TACC2: variants seen among roughly 807,000 people sequenced by gnomAD.
TACC2 encodes the protein transforming acidic coiled-coil-containing protein 2.
Under a neutral mutation model 227.3 loss-of-function variants are expected in TACC2, and 137 were observed. That is an observed-to-expected ratio of 0.60 (90% confidence interval 0.52 to 0.69). The LOEUF (loss-of-function observed/expected upper bound fraction) is 0.69, where lower values mean the gene tolerates loss of function less well. Among genes scored for constraint, TACC2 ranks in the 30% least tolerant of loss-of-function variants. The probability of loss-of-function intolerance (pLI) is 0.00; values close to 1 mark genes in which losing one functional copy is unlikely to be tolerated. For missense variants in TACC2, 3,470 were observed against 3,694.4 expected (o/e 0.94, Z 1.57); for synonymous variants, 1,523 against 1,487.5 (o/e 1.02, Z -0.55).
rs781409521 is a variant in TACC2, at chr10:122,195,183, A to G, written c.5971+7A>G. ...CCACCCCCGGAAGAACCAGGTAACCAAGGGCAGGGAGGCCCCCAGACAGCC... is the reference window on the plus strand; with the variant it reads ...CCACCCCCGGAAGAACCAGGTAACCGAGGGCAGGGAGGCCCCCAGACAGCC... On this transcript the variant is annotated splice_region_variant and intron_variant, in intron 8 of 22. Transcript: ENST00000369005. 6.3e-6 allele frequency: 10 copies of G among 1,580,804 alleles called. No homozygotes were observed. The South Asian group carries it at 1.1e-4, about 18-fold the overall frequency.
intron 6 of TACC2, among the ~76,000 whole-genome samples, chr10:122,135,176 C>A (rs764599341): frequency 2.0e-5 from 3 of 152,140 alleles, no homozygotes; most frequent in African/African-American, 7.2e-5. Context: ...AGCTCTGGCC[C>A]GGCTGCCCAC....
Position 121,989,257 on chromosome 10 carries a change from T to C in TACC2, c.-277T>C, listed in dbSNP as rs1469597387. On this transcript the variant is annotated 5_prime_UTR_variant, in exon 1 of 23. Coordinates refer to ENST00000369005, the MANE Select transcript of TACC2 (RefSeq NM_206862.4). ...ATATAAAACCCCACATTAAGGGTTG[T>C]ACAGTGCACTGGGATTTCTCAAGTC... 6.6e-6 allele frequency: 1 copy of C among 152,278 alleles called. No homozygotes were observed. 9.4% of individuals were successfully genotyped at this position (152,278 alleles called of 1,614,324 possible).
At chr10:122,062,820 G>A (rs762516008) in intron 3 of TACC2, among the ~76,000 whole-genome samples, 9 of 152,180 alleles carry the variant, frequency 5.9e-5, no homozygotes, top group Non-Finnish European at 1.0e-4. Flanking sequence ...TTACTCCTCC[G>A]TTTCACTGTC....
At chr10:122,024,204 C>G (rs1162355106) in intron 2 of TACC2, among the ~76,000 whole-genome samples, 1 of 151,902 alleles carries the variant, frequency 6.6e-6, no homozygotes, top group Non-Finnish European at 1.5e-5. Flanking sequence ...CCCATCTCTA[C>G]CAAGGAAAAA....
chr10:121,996,311 C>T (rs1185492735), intron 1 of TACC2, among the ~76,000 whole-genome samples: 3 of 152,162 alleles, frequency 2.0e-5, no homozygotes, highest in Non-Finnish European at 4.4e-5. Flanking sequence ...CTGCCTCGAC[C>T]TCCCACAGTG....
intron 3 of TACC2, among the ~76,000 whole-genome samples, chr10:122,068,148 C>T (rs2077589061): frequency 6.6e-6 from 1 of 152,108 alleles, no homozygotes; most frequent in African/African-American, 2.4e-5. Context: ...TTAGACATTG[C>T]AGTTTTCATC....
In TACC2 at chr10:121,992,784, G is replaced by A. The variant is rs567983878; in HGVS notation, c.-46+3296G>A. On this transcript the variant is annotated intron_variant, in intron 1 of 22. Coordinates refer to ENST00000369005, the MANE Select transcript of TACC2 (RefSeq NM_206862.4). ...AGCCTGGGCAACACGGCGAAACCCC[G>A]TCTCTACTAAAATACAAAAAATTAG... is the stretch of plus-strand genomic sequence containing the variant. Among the ~76,000 whole-genome samples the A allele has an allele frequency of 1.7e-4, 26 of 151,958 alleles. No individual in the cohort carries two copies. In the East Asian group the frequency reaches 3.7e-3, roughly 22 times the overall value.
intron 8 of TACC2, among the ~76,000 whole-genome samples, chr10:122,204,183 GA>G (rs1184914790): frequency 0.014 from 1,968 of 136,252 alleles, 61 homozygotes; most frequent in African/African-American, 0.056. Flanking sequence ...GGGAGAGGGA[GA>G]GGGGGAGGGG....
intron 11 of TACC2, among the ~76,000 whole-genome samples, chr10:122,219,996 C>T (rs1006454293): frequency 6.6e-6 from 1 of 151,720 alleles, no homozygotes; most frequent in African/African-American, 2.4e-5. Context: ...CAAGATCATG[C>T]CCCTGCACTC....
At chr10:122,046,901 C>T (rs1277684846) in intron 2 of TACC2, among the ~76,000 whole-genome samples, 1 of 152,110 alleles carries the variant, frequency 6.6e-6, no homozygotes, top group Non-Finnish European at 1.5e-5. Flanking sequence ...TTCAAAAATG[C>T]AGGACCCTGA....
Position 122,083,525 on chromosome 10 carries a change from C to T in TACC2, c.1025C>T (p.Pro342Leu), listed in dbSNP as rs770976617. The change falls in exon 4 of 23, where the codon CCG becomes CTG. Residue 342 changes from proline to leucine, a missense_variant. Pro to Leu is a moderately conservative substitution (Grantham distance 98). This residue lies in a region of TACC2 where 33 missense variants were observed against 60.4 expected (regional missense o/e 0.55). Transcript: ENST00000369005. ...SCQQPVGAYLPHAELPWGLPS... is the reference protein window; with the variant it reads ...SCQQPVGAYLLHAELPWGLPS... ...CAGCAGCCAGTGGGAGCATATCTGC[C>T]GCACGCAGAGCTGCCCTGGGGCTTG... The T allele has an allele frequency of 1.2e-4, 191 of 1,613,096 alleles. No individual in the cohort carries two copies. Among genetic ancestry groups the T allele is most frequent in the Non-Finnish European group, 1.4e-4 (170 of 1,180,024 alleles).
intron 8 of TACC2, among the ~76,000 whole-genome samples, chr10:122,204,593 TG>T (rs1242626802): frequency 1.3e-5 from 2 of 152,142 alleles, no homozygotes; most frequent in African/African-American, 4.8e-5. Context: ...CTCAGCACTT[TG>T]GGAGGCTGAG....
At chr10:122,048,292 T>G (rs1216118636) in intron 2 of TACC2, among the ~76,000 whole-genome samples, 2 of 152,074 alleles carry the variant, frequency 1.3e-5, no homozygotes, top group Admixed American at 6.5e-5. Flanking sequence ...TGGGGTGCCC[T>G]CTGTGTGCAC....
chr10:122,035,902 T>C (rs528952686), intron 2 of TACC2, among the ~76,000 whole-genome samples: 1 of 152,230 alleles, frequency 6.6e-6, no homozygotes, highest in South Asian at 2.1e-4. Flanking sequence ...AACCTTGAAT[T>C]CCTGGGCTCA....
intron 15 of TACC2, among the ~76,000 whole-genome samples, chr10:122,229,720 C>T (rs2095698578): frequency 6.6e-6 from 1 of 152,212 alleles, no homozygotes; most frequent in Non-Finnish European, 1.5e-5. Flanking sequence ...AATTTACAAA[C>T]TGGGCCCAAA....
At chr10:122,178,031 A>G (rs1014228731) in intron 7 of TACC2, among the ~76,000 whole-genome samples, 2 of 152,184 alleles carry the variant, frequency 1.3e-5, no homozygotes, top group African/African-American at 4.8e-5. Flanking sequence ...GGCTGCTACA[A>G]CAAAATCCCA....
rs2095690246 is a variant in TACC2, at chr10:122,229,388, A to T, written c.7939A>T (p.Ser2647Cys). ...CTTTGCCTCTGCTGACGCCCTCCTC[A>T]GCAGGCTAGCTCACCCCGTCTCTCT... ...GSFASADALL[S>C]RLAHPVSLCG... The change falls in exon 15 of 23, where the codon AGC becomes TGC. Residue 2647 changes from serine (S) to cysteine (C), a missense_variant. Physicochemically the swap from Ser to Cys is moderately radical, Grantham distance 112. Around this residue, in one of 10 missense-constraint regions of TACC2, gnomAD observed 345 missense variants for 354.4 expected, o/e 0.97. Transcript: ENST00000369005. 1 of 1,613,576 alleles carries T rather than the reference A, an allele frequency of 6.2e-7. No homozygotes were observed. Among genetic ancestry groups the T allele is most frequent in the Non-Finnish European group, 8.5e-7 (1 of 1,179,870 alleles).
intron 2 of TACC2, among the ~76,000 whole-genome samples, chr10:122,038,356 G>A (rs2073838255): frequency 6.6e-6 from 1 of 152,204 alleles, no homozygotes; most frequent in African/African-American, 2.4e-5. Flanking sequence ...GCTTAGCTTA[G>A]GGGGAAAAGT....
intron 7 of TACC2, among the ~76,000 whole-genome samples, chr10:122,190,081 A>T (rs1040142231): frequency 1.6e-4 from 24 of 152,212 alleles, no homozygotes; most frequent in Admixed American, 6.5e-5. Flanking sequence ...CCTCTTTATT[A>T]CAAGATGCTT....
Sources: allele counts gnomAD v4.1 joint callset (sites outside exome capture counted in the v4.1 genomes callset), GRCh38; gene constraint gnomAD v4.1.1; regional missense constraint gnomAD v4.1.1; transcripts MANE v1.5; gene names NCBI Gene and HGNC (gene_info 2026-07-23, HGNC 2026-07-21).